Variants in SAAL1 observed in about 807,000 individuals in gnomAD.
The protein encoded by SAAL1 is protein SAAL1.
SAAL1 carries 42 observed loss-of-function variants against 59.8 expected under a neutral mutation model. That is an observed-to-expected ratio of 0.70 (90% confidence interval 0.55 to 0.91). SAAL1 has a LOEUF of 0.91. Among genes scored for constraint, SAAL1 ranks in the 40% least tolerant of loss-of-function variants. The pLI is 0.00. For synonymous variants in SAAL1, 191 were observed against 194.3 expected (o/e 0.98, Z 0.14); for missense variants, 542 against 561.1 (o/e 0.97, Z 0.34).
chr11:18,093,147 G>C (rs76185110), intron 3 of SAAL1, among the ~76,000 whole-genome samples: 2 of 152,012 alleles, frequency 1.3e-5, no homozygotes, highest in African/African-American at 4.8e-5. Context: ...CTATCAGATC[G>C]ACCATCGGGA....
chr11:18,093,247 G>A (rs1036020832), intron 3 of SAAL1, among the ~76,000 whole-genome samples: 6 of 152,146 alleles, frequency 3.9e-5, no homozygotes, highest in Non-Finnish European at 8.8e-5. Flanking sequence ...ATTTGGATAT[G>A]CCAAGGAGCC....
Position 18,087,071 on chromosome 11 carries a change from A to C in SAAL1, c.854-17T>G. ...GACAATGTACTTAATAAAGAGGACA[A>C]ATAAAGCAGTACTTTAAAATCAGCA... On this transcript the variant is annotated splice_polypyrimidine_tract_variant and intron_variant, in intron 8 of 11. Transcript: ENST00000524803. 1.2e-6 allele frequency: 2 copies of C among 1,608,678 alleles called. No individual in the cohort carries two copies. Among genetic ancestry groups the C allele is most frequent in the Non-Finnish European group, 1.7e-6 (2 of 1,175,120 alleles).
chr11:18,084,781 G>T (rs1004588281), intron 9 of SAAL1, among the ~76,000 whole-genome samples: 2 of 152,070 alleles, frequency 1.3e-5, no homozygotes, highest in Non-Finnish European at 1.5e-5. Context: ...TTTTTGGAGG[G>T]GGGGTGCGGA....
intron 1 of SAAL1, among the ~76,000 whole-genome samples, chr11:18,104,839 C>G (rs993311402): frequency 1.3e-5 from 2 of 152,062 alleles, no homozygotes; most frequent in Admixed American, 1.3e-4. Context: ...ATGCATTTTT[C>G]TCCCAGGCAA....
At position 18,087,171 on chromosome 11, in the gene SAAL1, A is replaced by G; in HGVS notation, c.825T>C (p.Thr275=). The part of the protein sequence containing the change: ...DVYMHILQLL[T]TVDDGIQAIV... ...TTGCTTGAATTCCATCATCCACTGT[A>G]GTAAGCAGTTGTAAAATGTGCATGT... The change falls in exon 8 of 12, where the codon ACT becomes ACC. Residue 275 remains threonine, a synonymous_variant. Transcript: ENST00000524803. 3 of 1,613,468 alleles carry G rather than the reference A, an allele frequency of 1.9e-6. No individual in the cohort carries two copies. Among genetic ancestry groups the G allele is most frequent in the Non-Finnish European group, 2.5e-6 (3 of 1,179,364 alleles).
chr11:18,102,865 C>A (rs1283964948), intron 2 of SAAL1, among the ~76,000 whole-genome samples: 1 of 152,054 alleles, frequency 6.6e-6, no homozygotes, highest in Non-Finnish European at 1.5e-5. Context: ...TATTTATTGT[C>A]CTTTCCTTCT....
At chr11:18,088,197 T>C (rs1357237466) in intron 7 of SAAL1, among the ~76,000 whole-genome samples, 1 of 152,250 alleles carries the variant, frequency 6.6e-6, no homozygotes, top group Non-Finnish European at 1.5e-5. Context: ...ACTGGGTCCA[T>C]AAGCTGTACT....
rs112760974 is a variant in SAAL1 at position 18,080,373 on chromosome 11, G to C, written c.*26C>G. 7.3e-7 allele frequency: 1 copy of C among 1,373,876 alleles called. No individual in the cohort carries two copies. Among genetic ancestry groups the C allele is most frequent in the South Asian group, 1.3e-5 (1 of 79,522 alleles). The allele number at this position is 1,373,876 out of a possible 1,614,324, so 85.1% of individuals were successfully genotyped here. Reference sequence around the variant, plus strand: ...GTGAGAAAAATAAAGTTTATTTCTTGTACAGAAGTAATTCCAATTCAGGTT... The same window carrying C: ...GTGAGAAAAATAAAGTTTATTTCTTCTACAGAAGTAATTCCAATTCAGGTT... On this transcript the variant is annotated 3_prime_UTR_variant, in exon 12 of 12. Coordinates refer to ENST00000524803, the MANE Select transcript of SAAL1 (RefSeq NM_138421.3).
Position 18,090,464 on chromosome 11 carries a change from G to T in SAAL1, c.443C>A (p.Ser148Ter). ...TGTTTCCAGCAGAGTAGGTGGGTCT[G>T]AATCATACAAACAGTGCAATAACAC... ...GQVLLHCLYDSDPPTLLETSR... is the reference protein window; with the variant it reads ...GQVLLHCLYD The change falls in exon 5 of 12, where the codon TCA becomes TAA. Residue 148 changes from serine (S) to a stop codon, truncating the protein, a stop_gained. Transcript: ENST00000524803. LOFTEE classifies it high-confidence loss of function. The T allele has an allele frequency of 1.2e-6, 2 of 1,610,572 alleles. No individual in the cohort carries two copies. The highest frequency in any genetic ancestry group is 2.2e-5 in the South Asian group (2 of 89,954).
chr11:18,103,225 C>A lies in SAAL1; in HGVS notation c.249+8G>T, dbSNP rs1459985257. The A allele has an allele frequency of 2.5e-6, 4 of 1,576,022 alleles. No homozygotes were observed. The African/African-American group carries it at 4.0e-5, about 16-fold the overall frequency. On this transcript the variant is annotated splice_region_variant and intron_variant, in intron 2 of 11. Transcript: ENST00000524803. ...ACAGTCTTCAGAGTTTTGTTTCCAG[C>A]CTCATACCTCATCCATTGACATATC...
At chr11:18,093,574 G>A (rs11024480) in intron 3 of SAAL1, among the ~76,000 whole-genome samples, 1 of 151,800 alleles carries the variant, frequency 6.6e-6, no homozygotes, top group Admixed American at 6.6e-5. Context: ...TACCACTCAC[G>A]GTGGCCAGGC....
chr11:18,087,031 C>A lies in SAAL1; in HGVS notation c.877G>T (p.Asp293Tyr), dbSNP rs1248367405. Residue 293 changes from aspartate (D) to tyrosine (Y), a missense_variant, in exon 9 of 12, where the codon GAC becomes TAC. Transcript: ENST00000524803. Reference sequence around the variant, plus strand: ...AGGTCAAAAAGTAAATTCCAAATGTCTTTTCCAGTGTCAGGACAATGTACT... The same window carrying A: ...AGGTCAAAAAGTAAATTCCAAATGTATTTTCCAGTGTCAGGACAATGTACT... ...AIVHCPDTGK[D>Y]IWNLLFDLVC... 2 of 1,613,856 alleles carry A rather than the reference C, an allele frequency of 1.2e-6. No individual in the cohort carries two copies. The highest frequency in any genetic ancestry group is 3.3e-5 in the Admixed American group (2 of 60,006).
In SAAL1 at chr11:18,084,112, G is replaced by A. The variant is rs1053495913; in HGVS notation, c.1043-381C>T. On this transcript the variant is annotated intron_variant, in intron 9 of 11. Coordinates refer to ENST00000524803, the MANE Select transcript of SAAL1 (RefSeq NM_138421.3). ...AGCAGTTTGAGAGGCCAAGATGGGCGGGTAGCTTGAGCCCAGGAGTTCGAG... is the reference window on the plus strand; with the variant it reads ...AGCAGTTTGAGAGGCCAAGATGGGCAGGTAGCTTGAGCCCAGGAGTTCGAG... 3.9e-5 allele frequency among the ~76,000 whole-genome samples: 6 copies of A among 152,166 alleles called. No homozygotes were observed. In the East Asian group the frequency reaches 7.7e-4, roughly 20 times the overall value.
intron 7 of SAAL1, among the ~76,000 whole-genome samples, chr11:18,087,909 G>C (rs1230669588): frequency 6.6e-6 from 1 of 152,148 alleles, no homozygotes; most frequent in African/African-American, 2.4e-5. Flanking sequence ...ACTCTAAAAG[G>C]AAAGAAGATT....
intron 3 of SAAL1, among the ~76,000 whole-genome samples, chr11:18,096,181 T>A (rs1010657293): frequency 6.6e-6 from 1 of 152,230 alleles, no homozygotes; most frequent in Non-Finnish European, 1.5e-5. Context: ...TATGCCTAAC[T>A]CGTCTCCACA....
chr11:18,100,450 G>A lies in SAAL1; in HGVS notation c.249+2783C>T, dbSNP rs1174001861. 3.3e-5 allele frequency among the ~76,000 whole-genome samples: 5 copies of A among 152,128 alleles called. No homozygotes were observed. The South Asian group carries it at 6.2e-4, about 19-fold the overall frequency. On this transcript the variant is annotated intron_variant, in intron 2 of 11. Transcript: ENST00000524803. ...ATATTAGAAAGTATTCTGAACTTCT[G>A]CGGGCATGGTGGCTCACGCCTGTAA...
chr11:18,101,379 C>T (rs7118250), intron 2 of SAAL1, among the ~76,000 whole-genome samples: 62,905 of 151,852 alleles, frequency 0.41, 13,654 homozygotes, highest in African/African-American at 0.52. Context: ...AAGTGAATCA[C>T]GGGGGTGGTT....
chr11:18,103,470 C>G (rs938516865), intron 1 of SAAL1, 124 bp from the exon 2 acceptor site: 2 of 726,824 alleles, frequency 2.8e-6, no homozygotes, highest in Admixed American at 2.1e-5. Flanking sequence ...AATTTGATTC[C>G]TGGCCAGGGC....
intron 9 of SAAL1, 108 bp from the exon 10 acceptor site, chr11:18,083,839 C>T: frequency 1.7e-6 from 1 of 571,862 alleles, no homozygotes; most frequent in Admixed American, 3.4e-5. Flanking sequence ...TACAGATACA[C>T]TGGTAACATC....
Sources: allele counts gnomAD v4.1 joint callset (sites outside exome capture counted in the v4.1 genomes callset), GRCh38; gene constraint gnomAD v4.1.1; transcripts MANE v1.5; gene names NCBI Gene and HGNC (gene_info 2026-07-23, HGNC 2026-07-21).